The following LARP4 variants were observed in gnomAD, a reference collection of about 807,000 sequenced individuals.
LARP4 encodes la-related protein 4.
A neutral mutation model predicts 92.9 loss-of-function variants in LARP4; 29 were observed. The ratio of observed to expected loss-of-function variants is 0.31; its 90% CI spans 0.23 to 0.43. The LOEUF is 0.43. Among genes scored for constraint, LARP4 ranks in the 20% least tolerant of loss-of-function variants. The pLI, the probability that LARP4 is intolerant of heterozygous loss-of-function variation, is 1.00. For synonymous variants in LARP4, 279 were observed against 284.1 expected (o/e 0.98, Z 0.18); for missense variants, 732 against 860.0 (o/e 0.85, Z 1.86).
At chr12:50,418,947 G>A (rs1947297483) in intron 1 of LARP4, among the ~76,000 whole-genome samples, 1 of 152,110 alleles carries the variant, frequency 6.6e-6, no homozygotes, top group Non-Finnish European at 1.5e-5. Flanking sequence ...TCTTGAACTT[G>A]TAGTTTCAAG....
At chr12:50,470,764 A>C (rs1183774094) in intron 13 of LARP4, among the ~76,000 whole-genome samples, 4 of 152,164 alleles carry the variant, frequency 2.6e-5, no homozygotes, top group African/African-American at 9.7e-5. Context: ...TGGCCCATAA[A>C]TATCCCTAGT....
chr12:50,428,620 C>T (rs1949179316), intron 2 of LARP4, among the ~76,000 whole-genome samples: 1 of 152,044 alleles, frequency 6.6e-6, no homozygotes, highest in Non-Finnish European at 1.5e-5. Flanking sequence ...ATGCTTTTTT[C>T]CCTCCATCTG....
chr12:50,449,141 G>A (rs1335308558), intron 8 of LARP4, among the ~76,000 whole-genome samples: 1 of 152,074 alleles, frequency 6.6e-6, no homozygotes, highest in Non-Finnish European at 1.5e-5. Flanking sequence ...TACTCGGGAG[G>A]CTGAGGCCCG....
intron 12 of LARP4, among the ~76,000 whole-genome samples, chr12:50,466,022 A>G (rs183619182): frequency 8.7e-4 from 132 of 152,330 alleles, no homozygotes; most frequent in African/African-American, 3.1e-3. Flanking sequence ...CAAAAAAGGT[A>G]TCACAGAAGC....
At chr12:50,423,182 T>A (rs941285061) in intron 1 of LARP4, among the ~76,000 whole-genome samples, 3 of 152,162 alleles carry the variant, frequency 2.0e-5, no homozygotes, top group African/African-American at 7.2e-5. Context: ...ATTTTCCTAT[T>A]TACATCCATG....
chr12:50,443,474 C>T (rs1444807346), intron 8 of LARP4, among the ~76,000 whole-genome samples: 1 of 151,996 alleles, frequency 6.6e-6, no homozygotes, highest in Non-Finnish European at 1.5e-5. Flanking sequence ...TCTATGTTGC[C>T]TAGGCTGGTC....
At chr12:50,454,522 A>G in intron 10 of LARP4, 105 bp downstream of exon 10, 2 of 850,886 alleles carry the variant, frequency 2.4e-6, no homozygotes, top group South Asian at 3.8e-5. Context: ...GGTTTGGTGG[A>G]TTTTTTGTTT....
At chr12:50,442,942 A>C (rs1045597013) in intron 8 of LARP4, among the ~76,000 whole-genome samples, 12 of 152,114 alleles carry the variant, frequency 7.9e-5, no homozygotes, top group Non-Finnish European at 4.4e-5. Context: ...CTGTCATTCT[A>C]CTTCCTCTGT....
chr12:50,421,339 CA>C, intron 1 of LARP4: 1 of 959,846 alleles, frequency 1.0e-6, no homozygotes, highest in African/African-American at 1.8e-5. Context: ...TGACTCAAAG[CA>C]GCATTTTAAT....
intron 1 of LARP4, among the ~76,000 whole-genome samples, chr12:50,410,512 T>C (rs1364956529): frequency 6.6e-6 from 1 of 151,708 alleles, no homozygotes; most frequent in African/African-American, 2.4e-5. Context: ...TTCACGCCAT[T>C]CTCCTGCCTC....
chr12:50,415,147 G>C (rs1042647741), intron 1 of LARP4, among the ~76,000 whole-genome samples: 1 of 152,152 alleles, frequency 6.6e-6, no homozygotes, highest in Non-Finnish European at 1.5e-5. Context: ...AGGTTGCAGT[G>C]AGCCGAGATC....
At chr12:50,470,565 C>T (rs375031394) in intron 13 of LARP4, among the ~76,000 whole-genome samples, 2 of 152,204 alleles carry the variant, frequency 1.3e-5, no homozygotes, top group African/African-American at 4.8e-5. Flanking sequence ...TCCCAGGTAG[C>T]TGGGATTACA....
At chr12:50,445,524 T>G (rs1180711108) in intron 8 of LARP4, among the ~76,000 whole-genome samples, 1 of 152,190 alleles carries the variant, frequency 6.6e-6, no homozygotes, top group Non-Finnish European at 1.5e-5. Context: ...AAAAATTTTT[T>G]CTGCCCTCTC....
At chr12:50,407,304 G>A (rs1395333920) in intron 1 of LARP4, among the ~76,000 whole-genome samples, 3 of 152,100 alleles carry the variant, frequency 2.0e-5, no homozygotes, top group African/African-American at 7.2e-5. Context: ...GATTACGGGC[G>A]TGAGCCACTG....
intron 4 of LARP4, 74 bp downstream of exon 4, chr12:50,430,644 G>T: frequency 1.2e-6 from 1 of 842,656 alleles, no homozygotes; most frequent in Non-Finnish European, 1.9e-6. Flanking sequence ...CAAGGATGGT[G>T]ATTATTATTT....
In LARP4 at chr12:50,461,110, G is replaced by T. The variant is rs1474184038; in HGVS notation, c.1122-25G>T. ...TTTCTGTCTCGATTTACTGCTTTGT[G>T]TATATCATTTTGTATTTCCTATAGT... On this transcript the variant is annotated intron_variant, in intron 10 of 15. Coordinates refer to ENST00000398473, the MANE Select transcript of LARP4 (RefSeq NM_052879.5). The T allele has an allele frequency of 3.2e-6, 5 of 1,573,312 alleles. No homozygotes were observed. The African/African-American group carries it at 5.4e-5, about 17-fold the overall frequency.
At chr12:50,457,812 C>CA (rs10639447) in intron 10 of LARP4, among the ~76,000 whole-genome samples, 22,604 of 144,938 alleles carry the variant, frequency 0.16, 3,665 homozygotes, top group African/African-American at 0.41. Flanking sequence ...AGACCTTTCT[C>CA]AAAAAAAAAA....
intron 13 of LARP4, among the ~76,000 whole-genome samples, chr12:50,469,195 T>C (rs1956579973): frequency 6.6e-6 from 1 of 152,216 alleles, no homozygotes; most frequent in South Asian, 2.1e-4. Flanking sequence ...ATTATTCCAC[T>C]GTCTTGTTTC....
intron 14 of LARP4, among the ~76,000 whole-genome samples, chr12:50,473,798 G>GGGGC (rs1593494164): frequency 6.0e-5 from 8 of 133,114 alleles, no homozygotes; most frequent in South Asian, 3.0e-4. Context: ...CCGGGGGGTG[G>GGGGC]GGGTGGGTGG....
Sources: gnomAD v4.1 joint callset for allele counts (sites outside exome capture counted in the v4.1 genomes callset) on GRCh38, gnomAD v4.1.1 for gene constraint, MANE v1.5 for transcripts, NCBI Gene and HGNC (gene_info 2026-07-23, HGNC 2026-07-21) for gene names.